Variants in PLXNA2 observed in about 807,000 individuals in gnomAD.
PLXNA2 encodes plexin A2, also known as plexin-A2.
PLXNA2 carries 91 observed loss-of-function variants against 193.5 expected under a neutral mutation model. The ratio of observed to expected loss-of-function variants is 0.47; its 90% CI spans 0.40 to 0.56. PLXNA2 has a LOEUF of 0.56. Among genes scored for constraint, PLXNA2 ranks in the 20% least tolerant of loss-of-function variants. The pLI is 0.00. For synonymous variants in PLXNA2, 997 were observed against 1,027.3 expected (o/e 0.97, Z 0.56); for missense variants, 1,995 against 2,503.2 (o/e 0.80, Z 4.33).
At chr1:208,107,035 A>G (rs368853182) in intron 4 of PLXNA2, among the ~76,000 whole-genome samples, 1 of 152,374 alleles carries the variant, frequency 6.6e-6, no homozygotes, top group African/African-American at 2.4e-5. Context: ...CAAAGACCAC[A>G]GAGCTGGAAT....
chr1:208,184,084 A>G (rs924234895), intron 3 of PLXNA2, among the ~76,000 whole-genome samples: 3 of 152,192 alleles, frequency 2.0e-5, no homozygotes, highest in Non-Finnish European at 4.4e-5. Flanking sequence ...TATCTTGGAC[A>G]GTGCTGTTCT....
chr1:208,094,999 C>A (rs576155650), intron 8 of PLXNA2, among the ~76,000 whole-genome samples: 1 of 152,184 alleles, frequency 6.6e-6, no homozygotes, highest in Admixed American at 6.5e-5. Flanking sequence ...AGACTGGATA[C>A]CCCTGAAGAC....
chr1:208,066,479 A>G (rs1187427836), intron 12 of PLXNA2, among the ~76,000 whole-genome samples: 5 of 152,264 alleles, frequency 3.3e-5, no homozygotes, highest in African/African-American at 9.6e-5. Context: ...CTTTAAGATC[A>G]TAATGGAGCT....
intron 29 of PLXNA2, chr1:208,031,205 C>T (rs916011090): frequency 4.9e-5 from 51 of 1,045,628 alleles, no homozygotes; most frequent in South Asian, 6.6e-5. Context: ...GAATGCCCCA[C>T]GATGTCTGGC....
intron 13 of PLXNA2, among the ~76,000 whole-genome samples, chr1:208,058,053 C>A (rs144578669): frequency 1.3e-5 from 2 of 152,214 alleles, no homozygotes; most frequent in African/African-American, 4.8e-5. Flanking sequence ...AACCCAGTAC[C>A]CTTGCCCCAC....
chr1:208,039,897 G>A (rs546795996), intron 23 of PLXNA2, 95 bp downstream of exon 23: 39 of 1,574,762 alleles, frequency 2.5e-5, no homozygotes, highest in African/African-American at 6.7e-5. Flanking sequence ...TCCTGCTCCC[G>A]AGGGAGGGGG....
intron 12 of PLXNA2, among the ~76,000 whole-genome samples, chr1:208,076,125 T>A (rs1666139845): frequency 6.7e-6 from 1 of 150,242 alleles, no homozygotes. Context: ...TGGAGTGCAA[T>A]GGCATGATCA....
intron 3 of PLXNA2, among the ~76,000 whole-genome samples, chr1:208,161,069 G>A (rs992859719): frequency 7.9e-5 from 12 of 152,192 alleles, no homozygotes; most frequent in African/African-American, 2.4e-4. Flanking sequence ...GCTCCTAGTC[G>A]CCCAGGTCTG....
chr1:208,189,475 C>A (rs1254095883), intron 3 of PLXNA2, among the ~76,000 whole-genome samples: 2 of 151,742 alleles, frequency 1.3e-5, no homozygotes, highest in African/African-American at 2.4e-5. Context: ...GACTCCTCCT[C>A]CCCTTCTCTT....
intron 21 of PLXNA2, among the ~76,000 whole-genome samples, chr1:208,042,779 T>A (rs951567112): frequency 6.6e-5 from 10 of 152,232 alleles, no homozygotes; most frequent in African/African-American, 2.2e-4. Context: ...CTTTAAGCCA[T>A]CTTAAATCCA....
intron 3 of PLXNA2, among the ~76,000 whole-genome samples, chr1:208,208,247 C>A (rs1272101198): frequency 3.9e-5 from 6 of 152,208 alleles, no homozygotes; most frequent in Non-Finnish European, 7.3e-5. Context: ...AGCACTGGCC[C>A]CTAGCTGACC....
chr1:208,173,771 A>G (rs954569691), intron 3 of PLXNA2, among the ~76,000 whole-genome samples: 26 of 152,330 alleles, frequency 1.7e-4, no homozygotes, highest in African/African-American at 5.8e-4. Context: ...GGCCAGCCAT[A>G]TTGGGGCCAA....
intron 1 of PLXNA2, among the ~76,000 whole-genome samples, chr1:208,241,149 AT>A (rs1263922405): frequency 1.3e-5 from 2 of 152,308 alleles, no homozygotes; most frequent in Admixed American, 6.5e-5. Context: ...TGAAATAAAG[AT>A]TAGCTGAGTA....
At chr1:208,170,475 C>G (rs1464942793) in intron 3 of PLXNA2, among the ~76,000 whole-genome samples, 1 of 152,162 alleles carries the variant, frequency 6.6e-6, no homozygotes, top group African/African-American at 2.4e-5. Flanking sequence ...CAGCCACCCA[C>G]AGAGGCAGGG....
chr1:208,096,693 C>T, intron 7 of PLXNA2, 37 bp downstream of exon 7: 5 of 1,610,606 alleles, frequency 3.1e-6, no homozygotes, highest in Non-Finnish European at 3.4e-6. Flanking sequence ...TATAGAGAAG[C>T]CCCTCATTTG....
chr1:208,216,883 T>G lies in PLXNA2; in HGVS notation c.1040A>C (p.His347Pro). 6.2e-7 allele frequency: 1 copy of G among 1,614,192 alleles called. No homozygotes were observed. The highest frequency in any genetic ancestry group is 8.5e-7 in the Non-Finnish European group (1 of 1,180,030). ...CAGGGCAGAGTCATCGGGCGGGTGGTGATACTGCTTCTGCCCTTTGGAGAA... is the reference window on the plus strand; with the variant it reads ...CAGGGCAGAGTCATCGGGCGGGTGGGGATACTGCTTCTGCCCTTTGGAGAA... ...AIFSKGQKQY[H>P]HPPDDSALCA... The change falls in exon 2 of 32, where the codon CAC (histidine) becomes CCC (proline). Residue 347 changes from histidine to proline, a missense_variant. By Grantham distance (77) the His-to-Pro change is moderately conservative. Around this residue, in one of 3 missense-constraint regions of PLXNA2, gnomAD observed 702 missense variants for 812.9 expected, o/e 0.86. Transcript: ENST00000367033.
intron 3 of PLXNA2, among the ~76,000 whole-genome samples, chr1:208,177,031 C>A (rs1032153147): frequency 6.6e-6 from 1 of 152,138 alleles, no homozygotes; most frequent in Non-Finnish European, 1.5e-5. Context: ...CATTACAAAC[C>A]AAGCTCCATG....
intron 4 of PLXNA2, among the ~76,000 whole-genome samples, chr1:208,112,934 C>T (rs1667526850): frequency 1.3e-5 from 2 of 150,032 alleles, no homozygotes; most frequent in African/African-American, 4.9e-5. Context: ...AGAGAAGACT[C>T]CCATGCCAGA....
chr1:208,044,702 C>A lies in PLXNA2; in HGVS notation c.3680G>T (p.Ser1227Ile). ...GGTCAGCAAGCTGTCTGAGATGACA[C>A]TCACCGAGCCAGGCGAGAACACCAT... ...GGMVFSPGSV[S>I]VISDSLLTLP... The change falls in exon 20 of 32, where the codon AGT becomes ATT. Residue 1227 changes from serine (S) to isoleucine (I), a missense_variant. This residue lies in a region of PLXNA2 where 1,291 missense variants were observed against 1,673.6 expected (regional missense o/e 0.77). Coordinates refer to ENST00000367033, the MANE Select transcript of PLXNA2 (RefSeq NM_025179.4). This position sits in a 1 kb window ranked among gnomAD's most constrained non-coding sequence, Gnocchi z 4.9. 1 of 1,614,110 alleles carries A rather than the reference C, an allele frequency of 6.2e-7. No homozygotes were observed. The highest frequency in any genetic ancestry group is 8.5e-7 in the Non-Finnish European group (1 of 1,180,034).
Sources: gnomAD v4.1 joint callset for allele counts (sites outside exome capture counted in the v4.1 genomes callset) on GRCh38, gnomAD v4.1.1 for gene constraint, gnomAD v4.1.1 regional missense constraint, Gnocchi (gnomAD v3.1) non-coding constraint, MANE v1.5 for transcripts, NCBI Gene and HGNC (gene_info 2026-07-23, HGNC 2026-07-21) for gene names.